GTF3C4: variants seen among roughly 807,000 people sequenced by gnomAD.
GTF3C4 encodes the protein general transcription factor IIIC subunit 4.
In GTF3C4, 28 loss-of-function variants were observed where a neutral mutation model predicts 67.5. That is an observed-to-expected ratio of 0.41 (90% CI 0.31 to 0.57). The LOEUF (loss-of-function observed/expected upper bound fraction) is 0.57. Ranked by LOEUF, GTF3C4 falls within the 20% of genes least tolerant of loss-of-function variation. The pLI, the probability that GTF3C4 is intolerant of heterozygous loss-of-function variation, is 0.21. For synonymous variants in GTF3C4, 409 were observed against 393.0 expected, an observed-to-expected ratio of 1.04 and a Z score of -0.48; for missense variants, 831 against 1,033.2, an observed-to-expected ratio of 0.80 and a Z score of 2.68.
At chr9:132,674,273 C>T (rs1564354126) in intron 1 of GTF3C4, among the ~76,000 whole-genome samples, 2 of 152,170 alleles carry the variant, frequency 1.3e-5, no homozygotes, top group Admixed American at 1.3e-4. Flanking sequence ...TGATTGGCTG[C>T]GGGCAGGCCT....
chr9:132,683,609 C>T lies in GTF3C4; in HGVS notation c.2231C>T (p.Pro744Leu). The change falls in exon 3 of 5, where the codon CCT becomes CTT. Residue 744 changes from proline to leucine, a missense_variant. Coordinates refer to ENST00000372146, the MANE Select transcript of GTF3C4 (RefSeq NM_012204.4). ...ISKKMNKQTF[P>L]EHCSLCKEIL... ...AAGAAGATGAACAAACAGACTTTCC[C>T]TGAGCACTGTAGTTTGTGTAAAGAG... 6.2e-7 allele frequency: 1 copy of T among 1,613,170 alleles called. No homozygotes were observed. The highest frequency in any genetic ancestry group is 8.5e-7 in the Non-Finnish European group (1 of 1,179,600).
chr9:132,671,024 G>C, intron 1 of GTF3C4, 69 bp downstream of exon 1: 1 of 1,079,472 alleles, frequency 9.3e-7, no homozygotes, highest in Admixed American at 1.8e-5. Context: ...ATCCGTCCCA[G>C]GGGAATCCGA....
chr9:132,672,497 A>G (rs1835799916), intron 1 of GTF3C4, among the ~76,000 whole-genome samples: 1 of 148,850 alleles, frequency 6.7e-6, no homozygotes, highest in African/African-American at 2.4e-5. Context: ...CGTTTAAGTC[A>G]TGAACATAAT....
rs529696590 is a variant in GTF3C4, at chr9:132,694,807, G to T, written c.*5862G>T. 3.9e-5 allele frequency: 6 copies of T among 152,292 alleles called. No individual in the cohort carries two copies. The East Asian group carries it at 1.2e-3, about 29-fold the overall frequency. The allele number at this position is 152,292 out of a possible 1,614,324, so 9.4% of individuals were successfully genotyped here. A position where few individuals can be genotyped will look rare whatever the true frequency, so the allele number is the denominator to read the frequency against. ...TGATTCTGGTACTTAGAGTCTAATAGAGTTGCTGTGAATATGTAGTGCTGT... is the reference window on the plus strand; with the variant it reads ...TGATTCTGGTACTTAGAGTCTAATATAGTTGCTGTGAATATGTAGTGCTGT... On this transcript the variant is annotated 3_prime_UTR_variant, in exon 5 of 5. Coordinates refer to ENST00000372146, the MANE Select transcript of GTF3C4 (RefSeq NM_012204.4).
In GTF3C4 at chr9:132,670,539, G is replaced by A. The variant is rs1262276818; in HGVS notation, c.-60G>A. The A allele has an allele frequency of 6.3e-6, 8 of 1,266,942 alleles. No homozygotes were observed. Among genetic ancestry groups the A allele is most frequent in the African/African-American group, 1.6e-5 (1 of 63,998 alleles). The allele number at this position is 1,266,942 out of a possible 1,614,324, so 78.5% of individuals were successfully genotyped here. A position where few individuals can be genotyped will look rare whatever the true frequency, so the allele number is the denominator to read the frequency against. On this transcript the variant is annotated 5_prime_UTR_variant, in exon 1 of 5. Transcript: ENST00000372146. ...CGCTGGGGGTGGCGGCGGCGGTCCG[G>A]GAGGTGGTCGCGCGACTGCGTGGAG...
chr9:132,676,899 A>G (rs1323955346), intron 1 of GTF3C4, among the ~76,000 whole-genome samples: 1 of 152,248 alleles, frequency 6.6e-6, no homozygotes, highest in Non-Finnish European at 1.5e-5. Context: ...GACACTAAAA[A>G]ATAATTGAAG....
At chr9:132,688,815 G>A in intron 4 of GTF3C4, 66 bp from the exon 5 acceptor site, 1 of 1,147,976 alleles carries the variant, frequency 8.7e-7, no homozygotes, top group Non-Finnish European at 1.3e-6. Context: ...CTACAGTCCG[G>A]TATTCATCCC....
In GTF3C4 at chr9:132,672,193, G is replaced by A. The variant is rs569577202; in HGVS notation, c.357+1238G>A. On this transcript the variant is annotated intron_variant, in intron 1 of 4. Transcript: ENST00000372146. The stretch of plus-strand genomic sequence containing the variant: ...GAAATACAAAAGGAGGGAGGCAGAA[G>A]AAAGGTGATTTAAAAGGTGTATCTT... Among the ~76,000 whole-genome samples the A allele has an allele frequency of 2.6e-5, 4 of 152,304 alleles. No homozygotes were observed. The East Asian group carries it at 7.7e-4, about 29-fold the overall frequency.
Position 132,670,779 on chromosome 9 carries a change from C to T in GTF3C4, c.181C>T (p.Gln61Ter). Residue 61 changes from glutamine to a stop codon, truncating the protein, a stop_gained, in exon 1 of 5, where the codon CAG (glutamine) becomes TAG (stop). Transcript: ENST00000372146. LOFTEE classifies it high-confidence loss of function. ...TCGGCGGGAGCCGGCCGTGAAGCTG[C>T]AGTATGCGGTGAGCGGCCTGGAACC... Reference protein sequence around the residue: ...VTRREPAVKLQYAVSGLEPLA... With the variant: ...VTRREPAVKL The T allele has an allele frequency of 6.3e-7, 1 of 1,586,146 alleles. No individual in the cohort carries two copies.
At chr9:132,683,720 C>A in intron 3 of GTF3C4, 27 bp downstream of exon 3, 3 of 1,591,444 alleles carry the variant, frequency 1.9e-6, no homozygotes, top group Non-Finnish European at 2.6e-6. Context: ...GTTTCTACTT[C>A]TGCTCATTTT....
chr9:132,674,059 AC>A (rs1458041067), intron 1 of GTF3C4, among the ~76,000 whole-genome samples: 1 of 152,240 alleles, frequency 6.6e-6, no homozygotes, highest in Non-Finnish European at 1.5e-5. Flanking sequence ...AAGTTAAATA[AC>A]TGTTGCCTGT....
At chr9:132,685,924 A>G (rs1428269733) in intron 3 of GTF3C4, among the ~76,000 whole-genome samples, 1 of 152,258 alleles carries the variant, frequency 6.6e-6, no homozygotes, top group Non-Finnish European at 1.5e-5. Context: ...CTGACAGTAC[A>G]TTGGGGAAAA....
rs781484748 is a variant in GTF3C4, at chr9:132,678,737, G to T, written c.1118G>T (p.Ser373Ile). 4 of 1,613,912 alleles carry T rather than the reference G, an allele frequency of 2.5e-6. No individual in the cohort carries two copies. The African/African-American group carries it at 4.0e-5, about 16-fold the overall frequency. The change falls in exon 2 of 5, where the codon AGT becomes ATT. Residue 373 changes from serine (S) to isoleucine (I), a missense_variant. Coordinates refer to ENST00000372146, the MANE Select transcript of GTF3C4 (RefSeq NM_012204.4). The surrounding 1 kb of genome is among the most constrained non-coding windows in gnomAD (Gnocchi z 6.5). The part of the protein sequence containing the change: ...WKEMDQLPVH[S>I]IKCVPLYHPY... ...GAAATGGACCAGTTACCTGTGCACA[G>T]TATCAAATGTGTGCCACTTTATCAT...
Position 132,679,569 on chromosome 9 carries a change from T to C in GTF3C4, c.1950T>C (p.Asp650=). The part of the protein sequence containing the change: ...SKEGDVEEPT[D]DSLPTTGDAG... ...AAGGAGATGTAGAGGAGCCCACTGATGACTCGCTCCCCACGACTGGAGATG... is the reference window on the plus strand; with the variant it reads ...AAGGAGATGTAGAGGAGCCCACTGACGACTCGCTCCCCACGACTGGAGATG... Residue 650 remains aspartate, a synonymous_variant, in exon 2 of 5, where the codon GAT becomes GAC. Coordinates refer to ENST00000372146, the MANE Select transcript of GTF3C4 (RefSeq NM_012204.4). The surrounding 1 kb of genome is among the most constrained non-coding windows in gnomAD (Gnocchi z 5.9). The C allele has an allele frequency of 6.2e-7, 1 of 1,614,048 alleles. No homozygotes were observed. Among genetic ancestry groups the C allele is most frequent in the East Asian group, 2.2e-5 (1 of 44,864 alleles).
Position 132,679,874 on chromosome 9 carries a change from T to C in GTF3C4, c.2184+71T>C, listed in dbSNP as rs2130897872. On this transcript the variant is annotated intron_variant, in intron 2 of 4. Coordinates refer to ENST00000372146, the MANE Select transcript of GTF3C4 (RefSeq NM_012204.4). This position sits in a 1 kb window ranked among gnomAD's most constrained non-coding sequence, Gnocchi z 5.9. ...CTTCATGAGAAAGAAATGACCTAAATTGAGTTCCTGAAGCTCAACTTTTGC... is the reference window on the plus strand; with the variant it reads ...CTTCATGAGAAAGAAATGACCTAAACTGAGTTCCTGAAGCTCAACTTTTGC... The C allele has an allele frequency of 7.2e-7, 1 of 1,394,622 alleles. No homozygotes were observed. The highest frequency in any genetic ancestry group is 2.3e-5 in the East Asian group (1 of 42,972). The allele number at this position is 1,394,622 out of a possible 1,614,324, so 86.4% of individuals were successfully genotyped here.
chr9:132,679,493 G>C lies in GTF3C4; in HGVS notation c.1874G>C (p.Gly625Ala). Reference protein sequence around the residue: ...GNADDEQQEEGTSSKQVVKQG... With the variant: ...GNADDEQQEEATSSKQVVKQG... ...GCTGACGATGAACAGCAGGAAGAAGGCACTTCTTCCAAACAGGTGGTGAAG... is the reference window on the plus strand; with the variant it reads ...GCTGACGATGAACAGCAGGAAGAAGCCACTTCTTCCAAACAGGTGGTGAAG... The change falls in exon 2 of 5, where the codon GGC becomes GCC. Residue 625 changes from glycine (G) to alanine (A), a missense_variant. Gly to Ala is a moderately conservative substitution (Grantham distance 60). This residue lies in a region of GTF3C4 where 75 missense variants were observed against 66.4 expected (regional missense o/e 1.13). Coordinates refer to ENST00000372146, the MANE Select transcript of GTF3C4 (RefSeq NM_012204.4). The surrounding 1 kb of genome is among the most constrained non-coding windows in gnomAD (Gnocchi z 5.9). 6.2e-7 allele frequency: 1 copy of C among 1,613,842 alleles called. No individual in the cohort carries two copies. Among genetic ancestry groups the C allele is most frequent in the Non-Finnish European group, 8.5e-7 (1 of 1,179,778 alleles).
chr9:132,670,925 G>C lies in GTF3C4; in HGVS notation c.327G>C (p.Val109=). 3.1e-6 allele frequency: 5 copies of C among 1,612,124 alleles called. No homozygotes were observed. The highest frequency in any genetic ancestry group is 4.5e-5 in the East Asian group (2 of 44,840). ...ACCTGGTTATCCACCGCACCTCGGT[G>C]CCCGCACCGCTCAACAGCTGTCTCC... ...GQDLVIHRTS[V]PAPLNSCLLK... Residue 109 remains valine, a synonymous_variant, in exon 1 of 5, where the codon GTG becomes GTC. Coordinates refer to ENST00000372146, the MANE Select transcript of GTF3C4 (RefSeq NM_012204.4).
chr9:132,688,342 CTT>C (rs1008920250), intron 4 of GTF3C4, among the ~76,000 whole-genome samples: 2 of 152,184 alleles, frequency 1.3e-5, no homozygotes, highest in Non-Finnish European at 2.9e-5. Context: ...GAGATTGAAA[CTT>C]TAAAAATCTT....
chr9:132,670,336 C>A, upstream of GTF3C4: 2 of 1,434,538 alleles, frequency 1.4e-6, no homozygotes, highest in Non-Finnish European at 9.2e-7. Context: ...CCCTAACAGG[C>A]TCTGGAGCTC....
Sources: allele counts gnomAD v4.1 joint callset (sites outside exome capture counted in the v4.1 genomes callset), GRCh38; gene constraint gnomAD v4.1.1; regional missense constraint gnomAD v4.1.1; non-coding constraint Gnocchi (gnomAD v3.1); transcripts MANE v1.5; gene names NCBI Gene and HGNC (gene_info 2026-07-23, HGNC 2026-07-21).